The following CFAP20DC variants were observed in gnomAD, a reference collection of about 807,000 sequenced individuals.
The protein encoded by CFAP20DC is protein CFAP20DC.
Under a neutral mutation model 101.7 loss-of-function variants are expected in CFAP20DC, and 84 were observed. The ratio of observed to expected loss-of-function variants is 0.83; its 90% confidence interval spans 0.69 to 0.99. CFAP20DC has a LOEUF of 0.99. Ranked by LOEUF, CFAP20DC falls within the 50% of genes least tolerant of loss-of-function variation. The pLI, the probability that CFAP20DC is intolerant of heterozygous loss-of-function variation, is 0.00. For missense variants in CFAP20DC, 1,007 were observed against 970.3 expected, an observed-to-expected ratio of 1.04 and a Z score of -0.50; for synonymous variants, 359 against 351.2, an observed-to-expected ratio of 1.02 and a Z score of -0.25.
rs2076455371 is a variant in CFAP20DC at position 58,832,344 on chromosome 3, G to C, written c.1972-455C>G. 2.6e-5 allele frequency among the ~76,000 whole-genome samples: 4 copies of C among 152,122 alleles called. No individual in the cohort carries two copies. In the South Asian group the frequency reaches 6.2e-4, roughly 24 times the overall value. On this transcript the variant is annotated intron_variant, in intron 13 of 16. Transcript: ENST00000482387. ...TGTTTCTGGAGTTGGCAGGTTTGCT[G>C]GGAGCTCTACAACGGCAAGCACCAT...
intron 3 of CFAP20DC, among the ~76,000 whole-genome samples, chr3:58,720,147 T>C (rs4681901): frequency 0.4 from 60,774 of 152,094 alleles, 13,783 homozygotes; most frequent in African/African-American, 0.63. Flanking sequence ...TCTTGTGCTG[T>C]TGTCCACGTG....
In CFAP20DC at chr3:59,039,584, A is replaced by T. The variant is rs1057025697; in HGVS notation, c.251T>A (p.Leu84Gln). Residue 84 changes from leucine to glutamine, a missense_variant, in exon 4 of 17, where the codon CTG (leucine) becomes CAG (glutamine). Coordinates refer to ENST00000482387, the MANE Select transcript of CFAP20DC (RefSeq NM_001394063.1). ...CAATTCAGTGGAGAAGTCTTGTCCCAGGGGTACGTAAATCTGAAGTACAAG... is the reference window on the plus strand; with the variant it reads ...CAATTCAGTGGAGAAGTCTTGTCCCTGGGGTACGTAAATCTGAAGTACAAG... ...RFLVLQIYVP[L>Q]GQDFSTELLI... is the part of the protein sequence containing the mutation. The T allele has an allele frequency of 1.3e-6, 2 of 1,527,276 alleles. No individual in the cohort carries two copies. The highest frequency in any genetic ancestry group is 2.8e-5 in the African/African-American group (2 of 72,602). 94.6% of individuals were successfully genotyped at this position (1,527,276 alleles called of 1,614,324 possible).
intron 4 of CFAP20DC, among the ~76,000 whole-genome samples, chr3:59,026,171 TGA>T (rs2093888444): frequency 6.6e-6 from 1 of 152,140 alleles, no homozygotes; most frequent in Non-Finnish European, 1.5e-5. Context: ...ATTAAAATAA[TGA>T]GGTTTAAATA....
At chr3:58,986,051 T>C (rs1014278589) in intron 4 of CFAP20DC, among the ~76,000 whole-genome samples, 4 of 152,330 alleles carry the variant, frequency 2.6e-5, no homozygotes, top group African/African-American at 9.6e-5. Context: ...TTTGTTTTCC[T>C]TTATTAGAAA....
At chr3:58,982,866 C>G (rs954290493) in intron 4 of CFAP20DC, among the ~76,000 whole-genome samples, 3 of 151,542 alleles carry the variant, frequency 2.0e-5, no homozygotes, top group Non-Finnish European at 4.4e-5. Flanking sequence ...ATAATAAAAA[C>G]AAAAAAAGTT....
intron 5 of CFAP20DC, among the ~76,000 whole-genome samples, chr3:58,924,653 G>A (rs2085751322): frequency 6.6e-6 from 1 of 152,114 alleles, no homozygotes. Context: ...AATGTCCACA[G>A]TGTTTTCCAT....
rs35510108 is a variant in CFAP20DC at position 58,831,876 on chromosome 3, C to T, written c.1985G>A (p.Arg662Gln). Residue 662 changes from arginine (R) to glutamine (Q), a missense_variant, in exon 14 of 17, where the codon CGA becomes CAA. By Grantham distance (43) the Arg-to-Gln change is conservative (BLOSUM62 1). Transcript: ENST00000482387. ...ACTCATCTGGCTTGGCTGATAGTTT[C>T]GCCAGTCATATTCCTGACCAAGAGA... ...SIPEASEYDW[R>Q]NYQPSQMSES... 1,497 of 1,613,864 alleles carry T rather than the reference C, an allele frequency of 9.3e-4. 12 individuals carry two copies. The African/African-American group carries it at 0.018, about 19-fold the overall frequency.
intron 15 of CFAP20DC, among the ~76,000 whole-genome samples, chr3:58,758,993 A>G (rs2069246475): frequency 6.6e-6 from 1 of 152,230 alleles, no homozygotes; most frequent in South Asian, 2.1e-4. Flanking sequence ...TGCTGCAATA[A>G]ACATACATGT....
At chr3:58,991,997 C>T (rs1373389946) in intron 4 of CFAP20DC, among the ~76,000 whole-genome samples, 1 of 152,198 alleles carries the variant, frequency 6.6e-6, no homozygotes, top group Non-Finnish European at 1.5e-5. Flanking sequence ...AGTAAGCAAA[C>T]TATTGTTATT....
intron 14 of CFAP20DC, among the ~76,000 whole-genome samples, chr3:58,819,516 CT>C (rs2075456302): frequency 6.7e-6 from 1 of 149,812 alleles, no homozygotes; most frequent in Non-Finnish European, 1.5e-5. Flanking sequence ...ACAAACACCT[CT>C]ACGCAAATAA....
chr3:58,941,327 C>CAAAAAAAAAAAAAAAAAA (rs752324535), intron 4 of CFAP20DC, among the ~76,000 whole-genome samples: 2 of 19,534 alleles, frequency 1.0e-4, no homozygotes, highest in African/African-American at 3.7e-4. Flanking sequence ...GACTCCGTCT[C>CAAAAAAAAAAAAAAAAAA]AAAAAAAAAA....
chr3:58,863,175 A>T lies in CFAP20DC; in HGVS notation c.1593+383T>A. 9.0e-7 allele frequency: 1 copy of T among 1,117,092 alleles called. No individual in the cohort carries two copies. Among genetic ancestry groups the T allele is most frequent in the Non-Finnish European group, 1.1e-6 (1 of 916,666 alleles). The allele number at this position is 1,117,092 out of a possible 1,614,324, so 69.2% of individuals were successfully genotyped here. A position where few individuals can be genotyped will look rare whatever the true frequency, so the allele number is the denominator to read the frequency against. ...AAGGAAGCCAGAAAACCATCAATTT[A>T]GAATGCTTAGCAACTGCAACACAAT... On this transcript the variant is annotated intron_variant, in intron 12 of 16. Coordinates refer to ENST00000482387, the MANE Select transcript of CFAP20DC (RefSeq NM_001394063.1). This position sits in a 1 kb window ranked among gnomAD's most constrained non-coding sequence, Gnocchi z 5.9.
intron 13 of CFAP20DC, among the ~76,000 whole-genome samples, chr3:58,843,260 T>C (rs992384040): frequency 6.6e-6 from 1 of 151,808 alleles, no homozygotes; most frequent in Non-Finnish European, 1.5e-5. Flanking sequence ...AGTTAAAAAC[T>C]TTGAAAAAAA....
chr3:58,802,476 G>A (rs1212509498), intron 15 of CFAP20DC, among the ~76,000 whole-genome samples: 1 of 152,230 alleles, frequency 6.6e-6, no homozygotes, highest in Non-Finnish European at 1.5e-5. Context: ...GGACGCTGGA[G>A]GCAAGGGCCC....
intron 7 of CFAP20DC, among the ~76,000 whole-genome samples, chr3:58,876,268 C>T (rs17059927): frequency 0.099 from 15,018 of 151,964 alleles, 2,459 homozygotes; most frequent in African/African-American, 0.34. Flanking sequence ...TCTATAAACA[C>T]GTATTGTGCT....
intron 14 of CFAP20DC, among the ~76,000 whole-genome samples, chr3:58,819,554 A>C (rs1351104450): frequency 4.3e-5 from 6 of 140,592 alleles, no homozygotes; most frequent in Non-Finnish European, 7.5e-5. Context: ...GAAATGGATA[A>C]ATTCCTCAAC....
chr3:58,978,681 C>A (rs541236835), intron 4 of CFAP20DC, among the ~76,000 whole-genome samples: 4 of 149,550 alleles, frequency 2.7e-5, no homozygotes, highest in African/African-American at 9.9e-5. Context: ...TGCACTCCAG[C>A]CTGGGTGACA....
chr3:58,815,717 C>T (rs1400777345), intron 14 of CFAP20DC, among the ~76,000 whole-genome samples: 3 of 150,930 alleles, frequency 2.0e-5, no homozygotes, highest in Admixed American at 1.3e-4. Context: ...ACAGACACTT[C>T]TCAAAAGAAG....
At chr3:58,865,943 T>C (rs992790800) in intron 11 of CFAP20DC, among the ~76,000 whole-genome samples, 21 of 152,224 alleles carry the variant, frequency 1.4e-4, no homozygotes, top group African/African-American at 5.1e-4. Flanking sequence ...TAATTTGGTG[T>C]GTTTTCTTAG....
Sources: allele counts gnomAD v4.1 joint callset (sites outside exome capture counted in the v4.1 genomes callset), GRCh38; gene constraint gnomAD v4.1.1; non-coding constraint Gnocchi (gnomAD v3.1); transcripts MANE v1.5; gene names NCBI Gene and HGNC (gene_info 2026-07-23, HGNC 2026-07-21).